The following RHCE variants were observed in gnomAD, a reference collection of about 807,000 sequenced individuals.
RHCE encodes Rh blood group CcEe antigens.
A neutral mutation model predicts 43.8 loss-of-function variants in RHCE; 22 were observed. The ratio of observed to expected loss-of-function variants is 0.50; its 90% CI spans 0.36 to 0.72. The LOEUF is 0.72. Among genes scored for constraint, RHCE ranks in the 30% least tolerant of loss-of-function variants. The pLI is 0.00. For missense variants in RHCE, 385 were observed against 525.4 expected, an observed-to-expected ratio of 0.73 and a Z score of 2.61; for synonymous variants, 156 against 210.7, an observed-to-expected ratio of 0.74 and a Z score of 2.25.
chr1:25,373,090 C>T (rs1167366887), intron 8 of RHCE, among the ~76,000 whole-genome samples: 1 of 151,552 alleles, frequency 6.6e-6, no homozygotes, highest in African/African-American at 2.4e-5. Flanking sequence ...TATGAGCCAC[C>T]CAAGTTGTTT....
intron 8 of RHCE, among the ~76,000 whole-genome samples, chr1:25,372,619 A>G (rs1307782218): frequency 6.6e-6 from 1 of 151,596 alleles, no homozygotes; most frequent in African/African-American, 2.4e-5. Context: ...CCCACCTCTA[A>G]TCTGCTATTT....
chr1:25,394,774 G>C (rs868762312), intron 3 of RHCE, among the ~76,000 whole-genome samples: 1 of 152,114 alleles, frequency 6.6e-6, no homozygotes, highest in Non-Finnish European at 1.5e-5. Context: ...ACTGAAAAGC[G>C]GGCTTGCGTT....
chr1:25,429,221 G>GTTTTTTTTT (rs386366538), intron 1 of RHCE, among the ~76,000 whole-genome samples: 1 of 112,382 alleles, frequency 8.9e-6, no homozygotes, highest in African/African-American at 3.5e-5. Flanking sequence ...TTCCTGGGAA[G>GTTTTTTTTT]TTTTTTTTTT....
At chr1:25,385,954 A>G in intron 6 of RHCE, 110 bp from the exon 7 acceptor site, 2 of 1,514,688 alleles carry the variant, frequency 1.3e-6, no homozygotes, top group Non-Finnish European at 9.2e-7. Context: ...ATGGGCACTA[A>G]GGCTCACCTC....
intron 9 of RHCE, among the ~76,000 whole-genome samples, chr1:25,370,248 G>C (rs1645567958): frequency 6.6e-6 from 1 of 151,496 alleles, no homozygotes; most frequent in African/African-American, 2.4e-5. Context: ...GAATGAATTT[G>C]AGGTATCAGG....
intron 2 of RHCE, among the ~76,000 whole-genome samples, chr1:25,426,509 C>T (rs1284351817): frequency 6.6e-6 from 1 of 152,228 alleles, no homozygotes; most frequent in Non-Finnish European, 1.5e-5. Context: ...TGACCTTAGG[C>T]AAGTGCCTTA....
intron 8 of RHCE, among the ~76,000 whole-genome samples, chr1:25,373,912 C>T (rs1645694760): frequency 6.6e-6 from 1 of 151,234 alleles, no homozygotes; most frequent in African/African-American, 2.5e-5. Flanking sequence ...CCTCCACCTC[C>T]TGGGGTCAAG....
rs144503314 is a variant in RHCE, at chr1:25,386,734, A to G, written c.940-890T>C. ...CTACTCAGGAGGCTGAGGCAGGAGA[A>G]TGGTGTGAACCCGGGAGGCAGAGCT... On this transcript the variant is annotated intron_variant, in intron 6 of 9. Transcript: ENST00000294413. Among the ~76,000 whole-genome samples the G allele has an allele frequency of 9.2e-3, 1,404 of 152,210 alleles. 24 individuals carry two copies. The highest frequency in any genetic ancestry group is 0.032 in the African/African-American group (1,334 of 41,534).
At chr1:25,419,322 TTAAAG>T (rs1459413898) in intron 1 of RHCE, among the ~76,000 whole-genome samples, 2 of 152,248 alleles carry the variant, frequency 1.3e-5, no homozygotes, top group Non-Finnish European at 2.9e-5. Context: ...TTGAAATGAA[TTAAAG>T]TAAATTGAAA....
At chr1:25,417,136 A>AAAAAAC (rs1647594242) in intron 1 of RHCE, among the ~76,000 whole-genome samples, 1 of 93,192 alleles carries the variant, frequency 1.1e-5, no homozygotes, top group African/African-American at 8.1e-5. Flanking sequence ...ATAGAGCCTT[A>AAAAAAC]AAAAACAAAA....
Position 25,402,609 on chromosome 1 carries a change from C to T in RHCE, c.473G>A (p.Ser158Asn), listed in dbSNP as rs758173067. 4 of 1,614,090 alleles carry T rather than the reference C, an allele frequency of 2.5e-6. No homozygotes were observed. The highest frequency in any genetic ancestry group is 3.4e-6 in the Non-Finnish European group (4 of 1,180,036). The change falls in exon 3 of 10, where the codon AGT (serine) becomes AAT (asparagine). Residue 158 changes from serine (S) to asparagine (N), a missense_variant. Physicochemically the swap from Ser to Asn is conservative, Grantham distance 46. This residue lies in a region of RHCE where 110 missense variants were observed against 103.4 expected (regional missense o/e 1.06). Transcript: ENST00000294413. Reference sequence around the variant, plus strand: ...ACCATGACTCACGTTGAAGATATTACTGATGACCATCCTCAGGGTGCCTAA... The same window carrying T: ...ACCATGACTCACGTTGAAGATATTATTGATGACCATCCTCAGGGTGCCTAA... ...TALGTLRMVI[S>N]NIFNTDYHMN...
At chr1:25,410,368 C>CT (rs1647034180) in intron 1 of RHCE, among the ~76,000 whole-genome samples, 2 of 152,154 alleles carry the variant, frequency 1.3e-5, no homozygotes, top group African/African-American at 2.4e-5. Context: ...AATATTGTCT[C>CT]TAACTTTGGG....
At chr1:25,400,730 C>T (rs1454779994) in intron 3 of RHCE, among the ~76,000 whole-genome samples, 4 of 151,730 alleles carry the variant, frequency 2.6e-5, no homozygotes, top group South Asian at 2.1e-4. Flanking sequence ...TTAACCCTAA[C>T]GCTACCACAT....
intron 1 of RHCE, among the ~76,000 whole-genome samples, chr1:25,414,801 T>C (rs1647253556): frequency 6.6e-6 from 1 of 152,056 alleles, no homozygotes; most frequent in Non-Finnish European, 1.5e-5. Flanking sequence ...TCTGAGGCCA[T>C]CCCACCCCAA....
At chr1:25,372,917 A>G (rs1459020236) in intron 8 of RHCE, among the ~76,000 whole-genome samples, 3 of 151,544 alleles carry the variant, frequency 2.0e-5, no homozygotes, top group Non-Finnish European at 4.4e-5. Flanking sequence ...TGATCCTCCC[A>G]TCTCAGCCTC....
In RHCE at chr1:25,385,574, T is replaced by C. The variant is rs900780282; in HGVS notation, c.1073+137A>G. The C allele has an allele frequency of 2.3e-6, 3 of 1,311,448 alleles. No homozygotes were observed. The African/African-American group carries it at 4.3e-5, about 19-fold the overall frequency. The allele number at this position is 1,311,448 out of a possible 1,614,324, so 81.2% of individuals were successfully genotyped here. On this transcript the variant is annotated intron_variant, in intron 7 of 9. Coordinates refer to ENST00000294413, the MANE Select transcript of RHCE (RefSeq NM_020485.8). ...GGGCTGGACATAATTTCTGAATAAA[T>C]CAGCCAACAAATATTCACCGAAGCC...
At chr1:25,417,834 C>G (rs1303925434) in intron 1 of RHCE, among the ~76,000 whole-genome samples, 2 of 152,170 alleles carry the variant, frequency 1.3e-5, no homozygotes, top group African/African-American at 4.8e-5. Flanking sequence ...TACTACACTA[C>G]AGCCTCCACG....
chr1:25,369,430 G>C (rs1404291092), intron 9 of RHCE, among the ~76,000 whole-genome samples: 1 of 151,694 alleles, frequency 6.6e-6, no homozygotes, highest in African/African-American at 2.4e-5. Context: ...ATTGACTAGA[G>C]GATGGCCTAA....
upstream of RHCE, chr1:25,420,947 G>A (rs999364894): frequency 6.4e-5 from 88 of 1,377,596 alleles, no homozygotes; most frequent in Non-Finnish European, 7.6e-5. Context: ...GAGTTAACAC[G>A]GAAGCAGAGG....
Sources: allele counts gnomAD v4.1 joint callset (sites outside exome capture counted in the v4.1 genomes callset), GRCh38; gene constraint gnomAD v4.1.1; regional missense constraint gnomAD v4.1.1; transcripts MANE v1.5; gene names NCBI Gene and HGNC (gene_info 2026-07-23, HGNC 2026-07-21).